The following MARF1 variants were observed in gnomAD, a reference collection of about 807,000 sequenced individuals.
MARF1 encodes the protein meiosis regulator and mRNA stability factor 1.
In MARF1, 24 loss-of-function variants were observed where a neutral mutation model predicts 168.2. That is an observed-to-expected ratio of 0.14 (90% CI 0.10 to 0.20). The LOEUF is 0.20. Ranked by LOEUF, MARF1 falls within the 10% of genes least tolerant of loss-of-function variation. The pLI is 1.00. For synonymous variants in MARF1, 868 were observed against 822.4 expected (o/e 1.06, Z -0.95); for missense variants, 1,744 against 2,143.6 (o/e 0.81, Z 3.68).
intron 21 of MARF1, among the ~76,000 whole-genome samples, chr16:15,604,682 A>T (rs1161923754): frequency 6.6e-6 from 1 of 152,068 alleles, no homozygotes; most frequent in Non-Finnish European, 1.5e-5. Flanking sequence ...TTTTTCATTC[A>T]TTCTTTCCAA....
intron 23 of MARF1, 76 bp from the exon 24 acceptor site, chr16:15,600,777 A>T: frequency 6.7e-7 from 1 of 1,490,494 alleles, no homozygotes. Flanking sequence ...GAAGAGTGTG[A>T]CCTACGGAGC....
At position 15,625,740 on chromosome 16, in the gene MARF1, T is replaced by C. The variant is rs368097903; in HGVS notation, c.1585A>G (p.Ser529Gly). ...TCGGACAGGCGTCTGAGCCTGTTGC[T>C]GACGCTCTTGCCATCCTTATTTGCT... ...LPANKDGKSV[S>G]NRLRRLSDNC... Residue 529 changes from serine (S) to glycine (G), a missense_variant, in exon 8 of 27, where the codon AGC becomes GGC. Transcript: ENST00000396368. 2.5e-6 allele frequency: 4 copies of C among 1,614,004 alleles called. No homozygotes were observed. The highest frequency in any genetic ancestry group is 1.3e-5 in the African/African-American group (1 of 74,944).
intron 5 of MARF1, among the ~76,000 whole-genome samples, chr16:15,632,964 A>C (rs752799991): frequency 6.6e-6 from 1 of 152,182 alleles, no homozygotes; most frequent in Non-Finnish European, 1.5e-5. Flanking sequence ...TTCAAAGAGC[A>C]GTAATGAAAA....
At position 15,609,420 on chromosome 16, in the gene MARF1, C is replaced by T. The variant is rs2033319511; in HGVS notation, c.3954+103G>A. The T allele has an allele frequency of 1.9e-5, 17 of 893,772 alleles. 1 individual carries two copies. The South Asian group carries it at 2.1e-4, about 11-fold the overall frequency. The allele number at this position is 893,772 out of a possible 1,614,324, so 55.4% of individuals were successfully genotyped here. ...AATAGCTTAGATTTTCATCCTCTTT[C>T]GTAACTCCCTACTTCCCAGAAAAAC... is the stretch of plus-strand genomic sequence containing the variant. On this transcript the variant is annotated intron_variant, in intron 20 of 26. Coordinates refer to ENST00000396368, the MANE Select transcript of MARF1 (RefSeq NM_014647.4).
At chr16:15,632,923 A>G (rs1207243876) in intron 5 of MARF1, among the ~76,000 whole-genome samples, 1 of 152,126 alleles carries the variant, frequency 6.6e-6, no homozygotes, top group African/African-American at 2.4e-5. Context: ...TTTAATTTGT[A>G]AATTGTGAAT....
At chr16:15,632,078 A>T (rs2035292400) in intron 5 of MARF1, among the ~76,000 whole-genome samples, 1 of 152,218 alleles carries the variant, frequency 6.6e-6, no homozygotes, top group African/African-American at 2.4e-5. Context: ...AAATTACAAC[A>T]GATCTCAGTA....
In MARF1 at chr16:15,634,858, G is replaced by A. The variant is rs952808742; in HGVS notation, c.905C>T (p.Pro302Leu). Residue 302 changes from proline to leucine, a missense_variant, in exon 4 of 27, where the codon CCT becomes CTT. Physicochemically the swap from Pro to Leu is moderately conservative, Grantham distance 98. This residue lies in a region of MARF1 where 217 missense variants were observed against 372.4 expected (regional missense o/e 0.58). Transcript: ENST00000396368. The stretch of plus-strand genomic sequence containing the variant: ...GCCATTACACAGAGGGACAGCAAGA[G>A]GTGCAGGTTGAGTATTTGGAGGTGG... The part of the protein sequence containing the change: ...NIPPPNTQPA[P>L]LAVPLCNGCG... 3 of 1,614,014 alleles carry A rather than the reference G, an allele frequency of 1.9e-6. No homozygotes were observed. Among genetic ancestry groups the A allele is most frequent in the South Asian group, 2.2e-5 (2 of 91,084 alleles).
At chr16:15,632,629 C>T (rs976552355) in intron 5 of MARF1, among the ~76,000 whole-genome samples, 1 of 152,034 alleles carries the variant, frequency 6.6e-6, no homozygotes, top group Non-Finnish European at 1.5e-5. Context: ...CTATCAGGCT[C>T]GCATATAAGT....
In MARF1 at chr16:15,635,832, T is replaced by C; in HGVS notation, c.655A>G (p.Thr219Ala). ...LHQFPSLQGC[T>A]SAGYFPCSDF... ...GAACAGGGGAAATAGCCAGCGGAGG[T>C]GCAGCCCTGCAGACTCGGAAACTGA... Residue 219 changes from threonine (T) to alanine (A), a missense_variant, in exon 3 of 27, where the codon ACC becomes GCC. Physicochemically the swap from Thr to Ala is moderately conservative, Grantham distance 58. Coordinates refer to ENST00000396368, the MANE Select transcript of MARF1 (RefSeq NM_014647.4). 6.2e-7 allele frequency: 1 copy of C among 1,614,080 alleles called. No homozygotes were observed.
chr16:15,606,610 T>C (rs2033036728), intron 21 of MARF1, among the ~76,000 whole-genome samples: 1 of 151,992 alleles, frequency 6.6e-6, no homozygotes, highest in Admixed American at 6.6e-5. Flanking sequence ...AGGACTCCCT[T>C]CTATTCCTGA....
intron 11 of MARF1, among the ~76,000 whole-genome samples, chr16:15,622,271 A>C (rs2034517639): frequency 6.6e-6 from 1 of 152,236 alleles, no homozygotes; most frequent in Non-Finnish European, 1.5e-5. Flanking sequence ...TTGCACCTAA[A>C]AAATGAGTCA....
chr16:15,631,203 T>G (rs2035230362), intron 6 of MARF1, among the ~76,000 whole-genome samples, 178 bp downstream of exon 6: 1 of 152,124 alleles, frequency 6.6e-6, no homozygotes, highest in Admixed American at 6.6e-5. Context: ...AAGGAGGAAA[T>G]ACAGAAATCC....
intron 22 of MARF1, chr16:15,602,495 A>G: frequency 1.8e-6 from 1 of 556,370 alleles, no homozygotes; most frequent in Admixed American, 3.1e-5. Context: ...AGACGAAGAC[A>G]AGACGAAGAC....
intron 21 of MARF1, 32 bp downstream of exon 21, chr16:15,608,259 G>GAA (rs2033187909): frequency 8.2e-7 from 1 of 1,212,458 alleles, no homozygotes. Context: ...ATCCCATGAG[G>GAA]GAAAAAAAAA....
chr16:15,636,718 G>A (rs2035622285), intron 2 of MARF1, among the ~76,000 whole-genome samples: 1 of 152,082 alleles, frequency 6.6e-6, no homozygotes, highest in African/African-American at 2.4e-5. Flanking sequence ...CTCACAAACA[G>A]CATTCAATAA....
intron 4 of MARF1, 112 bp from the exon 5 acceptor site, chr16:15,633,955 G>C: frequency 1.1e-6 from 1 of 883,988 alleles, no homozygotes; most frequent in Non-Finnish European, 1.7e-6. Context: ...AATTATTAAT[G>C]AATGCCAAGT....
rs2031547293 is a variant in MARF1 at position 15,595,040 on chromosome 16, C to G, written c.*1653G>C. The G allele has an allele frequency of 6.6e-6, 1 of 152,594 alleles. No homozygotes were observed. The highest frequency in any genetic ancestry group is 1.5e-5 in the Non-Finnish European group (1 of 68,034). The allele number at this position is 152,594 out of a possible 1,614,324, so 9.5% of individuals were successfully genotyped here. A position where few individuals can be genotyped will look rare whatever the true frequency, so the allele number is the denominator to read the frequency against. Reference sequence around the variant, plus strand: ...AATAAGGCAACTGATGTTCTCAACACCAATTATTATTACTTTGTTTAAAAG... The same window carrying G: ...AATAAGGCAACTGATGTTCTCAACAGCAATTATTATTACTTTGTTTAAAAG... On this transcript the variant is annotated 3_prime_UTR_variant, in exon 27 of 27. Transcript: ENST00000396368.
In MARF1 at chr16:15,596,775, A is replaced by G. The variant is rs1272855931; in HGVS notation, c.5147T>C (p.Val1716Ala). ...GGGTTGCTTTTTGGCCGGGCTTTCC[A>G]CGGGGTCCTTGCTGAGCAGTGACTC... Reference protein sequence around the residue: ...TSESLLSKDPVESPAKKQPKN... With the variant: ...TSESLLSKDPAESPAKKQPKN... Residue 1716 changes from valine to alanine, a missense_variant, in exon 27 of 27, where the codon GTG (valine) becomes GCG (alanine). Val to Ala is a moderately conservative substitution (Grantham distance 64, BLOSUM62 0). Coordinates refer to ENST00000396368, the MANE Select transcript of MARF1 (RefSeq NM_014647.4). 6.2e-7 allele frequency: 1 copy of G among 1,613,286 alleles called. No individual in the cohort carries two copies. The highest frequency in any genetic ancestry group is 8.5e-7 in the Non-Finnish European group (1 of 1,179,350).
intron 6 of MARF1, 94 bp downstream of exon 6, chr16:15,631,287 T>TG: frequency 1.2e-6 from 1 of 843,368 alleles, no homozygotes. Context: ...TCAGCCTCTT[T>TG]GGGGATACAT....
Sources: allele counts gnomAD v4.1 joint callset (sites outside exome capture counted in the v4.1 genomes callset), GRCh38; gene constraint gnomAD v4.1.1; regional missense constraint gnomAD v4.1.1; transcripts MANE v1.5; gene names NCBI Gene and HGNC (gene_info 2026-07-23, HGNC 2026-07-21).